ZNF717: variants seen among roughly 807,000 people sequenced by gnomAD.
The protein encoded by ZNF717 is zinc finger protein 717, also known as krueppel-like factor X17.
A neutral mutation model predicts 13.8 loss-of-function variants in ZNF717; 9 were observed. That is an observed-to-expected ratio of 0.65 (90% CI 0.39 to 1.14). The LOEUF is 1.14. ZNF717 is among the 50% of genes most tolerant of loss of function. ZNF717 has a pLI of 0.01. For synonymous variants in ZNF717, 327 were observed against 364.1 expected, an observed-to-expected ratio of 0.90 and a Z score of 1.16; for missense variants, 1,040 against 1,080.7, an observed-to-expected ratio of 0.96 and a Z score of 0.53.
chr3:75,730,661 C>A (rs1220119916), intron 5 of ZNF717: 1 of 700,174 alleles, frequency 1.4e-6, no homozygotes, highest in African/African-American at 1.7e-5. Context: ...TTCAATGGTA[C>A]CTGAATCCAT....
At chr3:75,755,505 A>C (rs1282598641) in intron 2 of ZNF717, among the ~76,000 whole-genome samples, 2 of 152,192 alleles carry the variant, frequency 1.3e-5, no homozygotes, top group East Asian at 3.8e-4. Context: ...ATAATAATAA[A>C]TACACACAGA....
chr3:75,701,089 A>G (rs1937685028), intron 6 of ZNF717, among the ~76,000 whole-genome samples: 1 of 152,310 alleles, frequency 6.6e-6, no homozygotes, highest in Non-Finnish European at 1.5e-5. Flanking sequence ...TTGTGTCCCC[A>G]CCCAAATCTC....
At position 75,739,157 on chromosome 3, in the gene ZNF717, G is replaced by T; in HGVS notation, c.466C>A (p.Pro156Thr). The change falls in exon 5 of 5, where the codon CCT becomes ACT. Residue 156 changes from proline to threonine, a missense_variant. Pro to Thr is a conservative substitution (Grantham distance 38, BLOSUM62 -1). Transcript: ENST00000652011. Reference protein sequence around the residue: ...INNGNSSGMKPGQFNDCQNML... With the variant: ...INNGNSSGMKTGQFNDCQNML... ...TTCTGGCAATCATTAAACTGCCCAG[G>T]CTTCATTCCTGAACTGTTTCCATTA... The T allele has an allele frequency of 6.4e-7, 1 of 1,551,116 alleles. No individual in the cohort carries two copies. The highest frequency in any genetic ancestry group is 2.4e-5 in the East Asian group (1 of 40,898).
chr3:75,766,783 A>G (rs993677221), intron 2 of ZNF717, among the ~76,000 whole-genome samples: 1 of 152,268 alleles, frequency 6.6e-6, no homozygotes, highest in Non-Finnish European at 1.5e-5. Context: ...TATGCAAAGT[A>G]TGTTGTCTCA....
chr3:75,700,795 G>T (rs1213079168), intron 6 of ZNF717, among the ~76,000 whole-genome samples: 1 of 152,260 alleles, frequency 6.6e-6, no homozygotes, highest in African/African-American at 2.4e-5. Flanking sequence ...AAATTAAAAT[G>T]AAATAAAGAC....
chr3:75,718,854 G>A (rs1813512), intron 4 of ZNF717, among the ~76,000 whole-genome samples: 63,080 of 151,912 alleles, frequency 0.42, 13,522 homozygotes, highest in South Asian at 0.61. Flanking sequence ...CAGAGGCCAC[G>A]GGCAATACCT....
chr3:75,740,787 T>C (rs1390192622), intron 4 of ZNF717, among the ~76,000 whole-genome samples: 1 of 152,142 alleles, frequency 6.6e-6, no homozygotes, highest in African/African-American at 2.4e-5. Flanking sequence ...ACTATAATCA[T>C]GCCACTGCAC....
chr3:75,775,973 A>C (rs1944286215), intron 2 of ZNF717, among the ~76,000 whole-genome samples: 2 of 152,278 alleles, frequency 1.3e-5, no homozygotes, highest in Admixed American at 6.5e-5. Flanking sequence ...TTTGCATGCT[A>C]AATCACCAAT....
intron 2 of ZNF717, among the ~76,000 whole-genome samples, chr3:75,775,259 C>T (rs906302963): frequency 6.6e-6 from 1 of 152,238 alleles, no homozygotes; most frequent in African/African-American, 2.4e-5. Context: ...CCACCACATC[C>T]ACCCTAATTA....
At chr3:75,724,692 C>T (rs1938241598) in intron 4 of ZNF717, among the ~76,000 whole-genome samples, 1 of 146,408 alleles carries the variant, frequency 6.8e-6, no homozygotes, top group African/African-American at 2.5e-5. Context: ...TTTATTTAAG[C>T]AACCACGTGA....
intron 2 of ZNF717, 84 bp from the exon 3 acceptor site, chr3:75,741,820 C>T (rs1285446109): frequency 6.6e-7 from 1 of 1,519,370 alleles, no homozygotes; most frequent in Non-Finnish European, 8.8e-7. Context: ...TCCTGCCACT[C>T]CTCCCAGGTG....
Position 75,761,372 on chromosome 3 carries a change from A to C in ZNF717, c.58-19636T>G, listed in dbSNP as rs529214000. On this transcript the variant is annotated intron_variant, in intron 2 of 4. Transcript: ENST00000652011. ...ACTCAAAGAATTAGTAATAGATGGA[A>C]ACTCCTCAGTAAATAAAGATCGTAC... is the stretch of plus-strand genomic sequence containing the variant. Among the ~76,000 whole-genome samples, 8 of 152,388 alleles carry C rather than the reference A, an allele frequency of 5.2e-5. No homozygotes were observed. In the South Asian group the frequency reaches 8.3e-4, roughly 16 times the overall value.
intron 1 of ZNF717, chr3:75,784,949 C>T (rs1194411940): frequency 6.6e-6 from 1 of 152,314 alleles, no homozygotes; most frequent in African/African-American, 2.4e-5. Flanking sequence ...AGTACCCCAT[C>T]TCCCTCGCGG....
chr3:75,697,156 C>A (rs1250935623), intron 6 of ZNF717, among the ~76,000 whole-genome samples: 14 of 152,154 alleles, frequency 9.2e-5, no homozygotes, highest in African/African-American at 3.1e-4. Flanking sequence ...TGTTATTCAA[C>A]ATAATTCTGA....
At chr3:75,728,930 TGAGAACA>T (rs1176498523), downstream of ZNF717, among the ~76,000 whole-genome samples, 1 of 147,300 alleles carries the variant, frequency 6.8e-6, no homozygotes, top group Non-Finnish European at 1.5e-5. Context: ...GGCAGAGGGG[TGAGAACA>T]GACTGCTACA....
At chr3:75,755,396 C>T (rs1387872949) in intron 2 of ZNF717, among the ~76,000 whole-genome samples, 4 of 151,372 alleles carry the variant, frequency 2.6e-5, no homozygotes, top group African/African-American at 9.7e-5. Flanking sequence ...AAATGAGTAA[C>T]ACTAATAAAA....
At chr3:75,695,806 T>C (rs1300890726) in intron 6 of ZNF717, among the ~76,000 whole-genome samples, 1 of 152,176 alleles carries the variant, frequency 6.6e-6, no homozygotes, top group Non-Finnish European at 1.5e-5. Flanking sequence ...GCAAAACCTA[T>C]GGAATATAGT....
intron 3 of ZNF717, 52 bp downstream of exon 3, chr3:75,741,558 A>G (rs1940439759): frequency 2.6e-6 from 4 of 1,558,794 alleles, no homozygotes; most frequent in African/African-American, 1.4e-5. Flanking sequence ...GGGTTCCTAT[A>G]TTTACCAGCA....
intron 2 of ZNF717, among the ~76,000 whole-genome samples, chr3:75,755,246 A>C (rs1230742013): frequency 6.6e-6 from 1 of 152,272 alleles, no homozygotes. Flanking sequence ...ACCTGGATCA[A>C]CATTTTTTTA....
Sources: allele counts gnomAD v4.1 joint callset (sites outside exome capture counted in the v4.1 genomes callset), GRCh38; gene constraint gnomAD v4.1.1; transcripts MANE v1.5; gene names NCBI Gene and HGNC (gene_info 2026-07-23, HGNC 2026-07-21).